PCGF5: variants seen among roughly 807,000 people sequenced by gnomAD.
PCGF5 encodes polycomb group RING finger protein 5.
Under a neutral mutation model 44.3 loss-of-function variants are expected in PCGF5, and 9 were observed. That is an observed-to-expected ratio of 0.20 (90% CI 0.12 to 0.35). PCGF5 has a LOEUF of 0.35. Ranked by LOEUF, PCGF5 falls within the 10% of genes least tolerant of loss-of-function variation. PCGF5 has a pLI of 1.00. For synonymous variants in PCGF5, 95 were observed against 102.5 expected (o/e 0.93, Z 0.44); for missense variants, 146 against 305.3 (o/e 0.48, Z 3.89).
chr10:91,235,213 TG>T (rs2133326473), intron 2 of PCGF5, among the ~76,000 whole-genome samples: 1 of 152,286 alleles, frequency 6.6e-6, no homozygotes, highest in Non-Finnish European at 1.5e-5. Context: ...TTAATTGGTC[TG>T]GGATGGAGCC....
At chr10:91,238,975 G>A (rs1208858096) in intron 2 of PCGF5, among the ~76,000 whole-genome samples, 1 of 151,974 alleles carries the variant, frequency 6.6e-6, no homozygotes, top group Non-Finnish European at 1.5e-5. Flanking sequence ...TGTGTGTAAT[G>A]GTGAAAAGAG....
At chr10:91,166,545 T>G (rs896171739) in intron 1 of PCGF5, among the ~76,000 whole-genome samples, 4 of 151,482 alleles carry the variant, frequency 2.6e-5, no homozygotes, top group African/African-American at 4.8e-5. Context: ...ATGCCTCCAG[T>G]TTTTTTTTAA....
chr10:91,192,987 C>G (rs945086680), intron 1 of PCGF5, among the ~76,000 whole-genome samples: 2 of 152,010 alleles, frequency 1.3e-5, no homozygotes, highest in Non-Finnish European at 2.9e-5. Context: ...TCTGGGTGGC[C>G]CAATCTAATC....
Position 91,279,246 on chromosome 10 carries a change from G to A in PCGF5, c.*930G>A, listed in dbSNP as rs902495168. ...TATATGTCATTGTGGCATGCAGAGG[G>A]TTATGACGATTTTAAATATTAGGAT... is the stretch of plus-strand genomic sequence containing the variant. On this transcript the variant is annotated 3_prime_UTR_variant, in exon 10 of 10. Transcript: ENST00000336126. The A allele has an allele frequency of 6.6e-6, 1 of 152,032 alleles. No homozygotes were observed. The highest frequency in any genetic ancestry group is 1.5e-5 in the Non-Finnish European group (1 of 67,980). The allele number at this position is 152,032 out of a possible 1,614,324, so 9.4% of individuals were successfully genotyped here.
intron 8 of PCGF5, 111 bp from the exon 9 acceptor site, chr10:91,271,527 C>T: frequency 1.3e-6 from 1 of 771,712 alleles, no homozygotes; most frequent in Non-Finnish European, 2.0e-6. Context: ...GTTTATTTAC[C>T]ATTAATCATG....
intron 1 of PCGF5, among the ~76,000 whole-genome samples, chr10:91,177,248 C>G (rs1473178225): frequency 1.3e-5 from 2 of 149,196 alleles, no homozygotes; most frequent in African/African-American, 5.0e-5. Flanking sequence ...AATGTTGCTG[C>G]CTGATCGTTC....
At chr10:91,178,000 T>C (rs752488578) in intron 1 of PCGF5, among the ~76,000 whole-genome samples, 4 of 152,212 alleles carry the variant, frequency 2.6e-5, no homozygotes, top group Non-Finnish European at 4.4e-5. Context: ...ATATTCTGCG[T>C]CGCTCACACT....
At position 91,248,448 on chromosome 10, in the gene PCGF5, A is replaced by G. The variant is rs371743887; in HGVS notation, c.210-57A>G. On this transcript the variant is annotated intron_variant, in intron 3 of 9. Transcript: ENST00000336126. ...TAAGATTATACATCTCAGACTATTTACATGTCAGATCTTGGTGTCTTCATT... is the reference window on the plus strand; with the variant it reads ...TAAGATTATACATCTCAGACTATTTGCATGTCAGATCTTGGTGTCTTCATT... The G allele has an allele frequency of 1.0e-4, 143 of 1,428,822 alleles. 1 individual carries two copies. The highest frequency in any genetic ancestry group is 8.8e-4 in the Middle Eastern group (5 of 5,684). The allele number at this position is 1,428,822 out of a possible 1,614,324, so 88.5% of individuals were successfully genotyped here.
At chr10:91,270,461 TG>T (rs1290847643) in intron 8 of PCGF5, among the ~76,000 whole-genome samples, 2 of 151,958 alleles carry the variant, frequency 1.3e-5, no homozygotes, top group African/African-American at 4.8e-5. Context: ...CTCAATGTTA[TG>T]CAAAGTCTGA....
chr10:91,198,187 C>G (rs141965279), intron 1 of PCGF5, among the ~76,000 whole-genome samples: 1 of 152,292 alleles, frequency 6.6e-6, no homozygotes, highest in East Asian at 1.9e-4. Context: ...ATTTCCGTCT[C>G]TCTAAATTGA....
At chr10:91,241,691 C>T (rs563091420) in intron 3 of PCGF5, among the ~76,000 whole-genome samples, 14 of 151,946 alleles carry the variant, frequency 9.2e-5, no homozygotes, top group South Asian at 8.3e-4. Flanking sequence ...AAAGAAGCTA[C>T]TCATCTAAAG....
chr10:91,271,325 T>G (rs1354912391), intron 8 of PCGF5, among the ~76,000 whole-genome samples: 2 of 152,100 alleles, frequency 1.3e-5, no homozygotes, highest in Non-Finnish European at 2.9e-5. Context: ...GTCCCTCGTG[T>G]ATGCAAGAAG....
chr10:91,196,736 C>A lies in PCGF5; in HGVS notation c.-183-25953C>A, dbSNP rs1024599629. ...CACAGACTCTATGAGGGCAGCTTGA[C>A]AATAGTATCCCCAGCACTGCATGGA... On this transcript the variant is annotated intron_variant, in intron 1 of 9. Transcript: ENST00000614189. Among the ~76,000 whole-genome samples the A allele has an allele frequency of 8.5e-5, 13 of 152,182 alleles. 1 individual carries two copies. The highest frequency in any genetic ancestry group is 3.1e-4 in the African/African-American group (13 of 41,440).
chr10:91,158,538 C>T (rs1362248133), upstream of PCGF5, among the ~76,000 whole-genome samples: 2 of 152,154 alleles, frequency 1.3e-5, no homozygotes, highest in East Asian at 3.9e-4. Context: ...AGGTTCTAGA[C>T]ATTAAAAGGC....
intron 1 of PCGF5, among the ~76,000 whole-genome samples, chr10:91,180,998 A>C (rs567549979): frequency 1.3e-3 from 201 of 151,838 alleles, no homozygotes; most frequent in African/African-American, 4.5e-3. Flanking sequence ...AATGTTTTTC[A>C]ATTTGTGTCA....
intron 1 of PCGF5, among the ~76,000 whole-genome samples, chr10:91,173,269 T>C (rs898097493): frequency 2.6e-5 from 4 of 152,230 alleles, no homozygotes; most frequent in Non-Finnish European, 5.9e-5. Flanking sequence ...GCCCTTGAAG[T>C]AAATTATGAC....
intron 1 of PCGF5, among the ~76,000 whole-genome samples, chr10:91,178,609 C>T (rs984041417): frequency 6.6e-6 from 1 of 152,044 alleles, no homozygotes; most frequent in African/African-American, 2.4e-5. Context: ...AGGCTGGTCT[C>T]AAACCCCTGG....
Position 91,244,670 on chromosome 10 carries a change from TAGC to T in PCGF5, c.210-3832_210-3830del, listed in dbSNP as rs1345550153. On this transcript the variant is annotated intron_variant, in intron 3 of 9. Coordinates refer to ENST00000336126, the MANE Select transcript of PCGF5 (RefSeq NM_032373.5). ...TTGCAATGACCCTGGTGAGCGGTGG[TAGC>T]AGTAGAGGGGACAAGAAATGCTCAT... Among the ~76,000 whole-genome samples, 12 of 152,278 alleles carry T rather than the reference TAGC, an allele frequency of 7.9e-5. No individual in the cohort carries two copies. The South Asian group carries it at 2.1e-3, about 26-fold the overall frequency.
rs192302350 is a variant in PCGF5 at position 91,189,524 on chromosome 10, G to C, written c.-184+26443G>C. 9.2e-5 allele frequency among the ~76,000 whole-genome samples: 14 copies of C among 152,286 alleles called. No individual in the cohort carries two copies. The East Asian group carries it at 1.5e-3, about 17-fold the overall frequency. On this transcript the variant is annotated intron_variant, in intron 1 of 9. Coordinates refer to the PCGF5 transcript ENST00000614189. ...AGATGAATTCTACTTAGTAATATAT[G>C]ACATAAAAATTGTATTGCTTTAATT...
Sources: gnomAD v4.1 joint callset for allele counts (sites outside exome capture counted in the v4.1 genomes callset) on GRCh38, gnomAD v4.1.1 for gene constraint, MANE v1.5 for transcripts, NCBI Gene and HGNC (gene_info 2026-07-23, HGNC 2026-07-21) for gene names.